HNMT: variants seen among roughly 807,000 people sequenced by gnomAD.
The protein encoded by HNMT is histamine N-methyltransferase.
HNMT carries 30 observed loss-of-function variants against 32.1 expected under a neutral mutation model. The ratio of observed to expected loss-of-function variants is 0.93; its 90% CI spans 0.70 to 1.27. The LOEUF is 1.27. Ranked by LOEUF, HNMT falls within the 50% of genes most tolerant of loss-of-function variation. HNMT has a pLI of 0.00. For missense variants in HNMT, 327 were observed against 346.0 expected (o/e 0.95, Z 0.43); for synonymous variants, 125 against 119.0 (o/e 1.05, Z -0.33).
chr2:137,970,104 A>G (rs1680075378), intron 1 of HNMT, 61 bp from the exon 2 acceptor site: 5 of 860,600 alleles, frequency 5.8e-6, no homozygotes, highest in Admixed American at 2.2e-5. Flanking sequence ...TAGACTAGAT[A>G]ATCAGATTTC....
chr2:137,972,912 C>A (rs1368197452), intron 2 of HNMT, among the ~76,000 whole-genome samples: 1 of 152,114 alleles, frequency 6.6e-6, no homozygotes, highest in Non-Finnish European at 1.5e-5. Flanking sequence ...GAGAAAGGAA[C>A]GTTTGGCCTG....
intron 2 of HNMT, among the ~76,000 whole-genome samples, chr2:137,987,885 G>A (rs977774857): frequency 6.6e-6 from 1 of 152,142 alleles, no homozygotes; most frequent in Admixed American, 6.5e-5. Context: ...TGGGTAGTTA[G>A]TGTCTGGAAG....
Position 138,015,529 on chromosome 2 carries a change from T to C in HNMT, c.*1399T>C, listed in dbSNP as rs1681637845. 1 of 152,210 alleles carries C rather than the reference T, an allele frequency of 6.6e-6. No homozygotes were observed. Among genetic ancestry groups the C allele is most frequent in the Admixed American group, 6.5e-5 (1 of 15,270 alleles). 9.4% of individuals were successfully genotyped at this position (152,210 alleles called of 1,614,324 possible). On this transcript the variant is annotated 3_prime_UTR_variant, in exon 6 of 6. Coordinates refer to ENST00000280097, the MANE Select transcript of HNMT (RefSeq NM_006895.3). ...ACTAATAAACTACCAAGCTTTGTTG[T>C]TCATAATAAGTAAAATGGACTTGCA...
At chr2:138,004,051 T>G (rs1681261522) in intron 4 of HNMT, among the ~76,000 whole-genome samples, 1 of 152,072 alleles carries the variant, frequency 6.6e-6, no homozygotes, top group South Asian at 2.1e-4. Flanking sequence ...CTATTACTCA[T>G]TATAGTCCTC....
intron 5 of HNMT, among the ~76,000 whole-genome samples, chr2:138,008,699 G>A (rs1003978459): frequency 2.0e-5 from 3 of 151,966 alleles, no homozygotes; most frequent in Non-Finnish European, 4.4e-5. Context: ...TCAATAAATG[G>A]TGGTGGGATA....
At chr2:137,986,271 A>G (rs1680650011) in intron 2 of HNMT, among the ~76,000 whole-genome samples, 1 of 150,752 alleles carries the variant, frequency 6.6e-6, no homozygotes, top group Non-Finnish European at 1.5e-5. Flanking sequence ...CAATTTATAT[A>G]TATATACCTT....
chr2:137,998,117 C>T (rs140833358), intron 2 of HNMT, among the ~76,000 whole-genome samples: 378 of 152,098 alleles, frequency 2.5e-3, no homozygotes, highest in African/African-American at 8.6e-3. Context: ...GTACATTCTG[C>T]ATATATATTC....
At chr2:137,993,129 G>A (rs755466557) in intron 2 of HNMT, among the ~76,000 whole-genome samples, 2 of 152,236 alleles carry the variant, frequency 1.3e-5, no homozygotes, top group East Asian at 1.9e-4. Context: ...AACCCAAAAG[G>A]TCAGAGTGCC....
At chr2:138,006,664 A>T (rs1681339653) in intron 5 of HNMT, among the ~76,000 whole-genome samples, 1 of 152,058 alleles carries the variant, frequency 6.6e-6, no homozygotes. Flanking sequence ...TATTGGCATC[A>T]AGAAATTTGA....
chr2:137,967,086 C>T, intron 1 of HNMT: 1 of 780,606 alleles, frequency 1.3e-6, no homozygotes, highest in Admixed American at 1.7e-5. Flanking sequence ...TACTTTTCCA[C>T]TGTCTTTTAG....
At position 137,970,935 on chromosome 2, in the gene HNMT, AAGAAAGAAAGAAAGAAAG is replaced by A. The variant is rs1430040609; in HGVS notation, c.190+720_190+737del. ...ACTACGTCTCAAAAAAAAAAAAAAA[AAGAAAGAAAGAAAGAAAG>A]AAAGAAAGAAAGAAAGAAAAAAGAA... On this transcript the variant is annotated intron_variant, in intron 2 of 5. Transcript: ENST00000280097. Among the ~76,000 whole-genome samples, 48 of 90,042 alleles carry A rather than the reference AAGAAAGAAAGAAAGAAAG, an allele frequency of 5.3e-4. 2 individuals carry two copies. Among genetic ancestry groups the A allele is most frequent in the East Asian group, 2.5e-3 (9 of 3,542 alleles). The allele number at this position is 90,042 out of a possible 152,430, so 59.1% of individuals were successfully genotyped here. A position where few individuals can be genotyped will look rare whatever the true frequency, so the allele number is the denominator to read the frequency against.
chr2:137,986,804 T>C (rs1429172533), intron 2 of HNMT, among the ~76,000 whole-genome samples: 2 of 152,236 alleles, frequency 1.3e-5, no homozygotes, highest in Non-Finnish European at 2.9e-5. Flanking sequence ...ACTCTTGATT[T>C]GAATTTGGTG....
chr2:137,978,014 T>C (rs1680339491), intron 2 of HNMT, among the ~76,000 whole-genome samples: 1 of 152,110 alleles, frequency 6.6e-6, no homozygotes, highest in South Asian at 2.1e-4. Context: ...TCAGCCTGCA[T>C]CCTTTCTGAG....
intron 5 of HNMT, among the ~76,000 whole-genome samples, chr2:138,009,171 T>C (rs1573680351): frequency 6.6e-6 from 1 of 151,858 alleles, no homozygotes; most frequent in African/African-American, 2.4e-5. Context: ...TGATCATTAG[T>C]GAAATGAAAA....
At position 138,000,438 on chromosome 2, in the gene HNMT, A is replaced by AGAG. The variant is rs1681130321; in HGVS notation, c.191-480_191-479insGAG. On this transcript the variant is annotated intron_variant, in intron 2 of 5. Transcript: ENST00000280097. ...GTTTTTCTTCTTTATTTTACCTGAC[A>AGAG]TATGCTTGTACCCTTTATTTAATCT... Among the ~76,000 whole-genome samples, 3 of 150,476 alleles carry AGAG rather than the reference A, an allele frequency of 2.0e-5. No homozygotes were observed. In the South Asian group the frequency reaches 6.4e-4, roughly 32 times the overall value.
intron 2 of HNMT, among the ~76,000 whole-genome samples, chr2:137,979,541 C>A (rs1312824498): frequency 2.0e-5 from 3 of 151,886 alleles, no homozygotes; most frequent in Non-Finnish European, 2.9e-5. Flanking sequence ...CGTGAGCCAC[C>A]ACGCCCGGCC....
chr2:138,008,970 C>A (rs947928990), intron 5 of HNMT, among the ~76,000 whole-genome samples: 1 of 152,008 alleles, frequency 6.6e-6, no homozygotes, highest in East Asian at 1.9e-4. Flanking sequence ...AAACAGACAA[C>A]CTACGGAATG....
At chr2:137,997,443 C>A (rs1681031299) in intron 2 of HNMT, among the ~76,000 whole-genome samples, 1 of 152,134 alleles carries the variant, frequency 6.6e-6, no homozygotes, top group African/African-American at 2.4e-5. Context: ...CGCTGATCAT[C>A]AGAGAAATGC....
At chr2:138,012,935 G>T (rs180727657) in intron 5 of HNMT, among the ~76,000 whole-genome samples, 1 of 151,718 alleles carries the variant, frequency 6.6e-6, no homozygotes, top group Non-Finnish European at 1.5e-5. Flanking sequence ...TAGCCTTCTC[G>T]CTGTTCTCCC....
Sources: gnomAD v4.1 joint callset for allele counts (sites outside exome capture counted in the v4.1 genomes callset) on GRCh38, gnomAD v4.1.1 for gene constraint, MANE v1.5 for transcripts, NCBI Gene and HGNC (gene_info 2026-07-23, HGNC 2026-07-21) for gene names.